ZNF331: variants seen among roughly 807,000 people sequenced by gnomAD.
ZNF331 encodes zinc finger protein 331.
A neutral mutation model predicts 7.0 loss-of-function variants in ZNF331; 2 were observed. The ratio of observed to expected loss-of-function variants is 0.29; its 90% CI spans 0.12 to 0.90. The LOEUF is 0.90. Ranked by LOEUF, ZNF331 falls within the 40% of genes least tolerant of loss-of-function variation. The probability of loss-of-function intolerance (pLI) is 0.58; values close to 1 mark genes in which losing one functional copy is unlikely to be tolerated. For missense variants in ZNF331, 432 were observed against 587.7 expected (o/e 0.74, Z 2.74); for synonymous variants, 196 against 205.4 (o/e 0.95, Z 0.39).
At position 53,558,342 on chromosome 19, in the gene ZNF331, G is replaced by A. The variant is rs1042998599; in HGVS notation, c.-74+2434G>A. ...CCCAAGCACAGGAGCTTCTGTTCCCGTGGAATTGGGGTGCGCCACCTTTTC... is the reference window on the plus strand; with the variant it reads ...CCCAAGCACAGGAGCTTCTGTTCCCATGGAATTGGGGTGCGCCACCTTTTC... On this transcript the variant is annotated intron_variant, in intron 3 of 5. Coordinates refer to ENST00000449416, the MANE Select transcript of ZNF331 (RefSeq NM_001079906.2). This position sits in a 1 kb window ranked among gnomAD's most constrained non-coding sequence, Gnocchi z 4.5. 6.6e-6 allele frequency among the ~76,000 whole-genome samples: 1 copy of A among 152,102 alleles called. No homozygotes were observed. Among genetic ancestry groups the A allele is most frequent in the Non-Finnish European group, 1.5e-5 (1 of 68,012 alleles).
At chr19:53,514,905 C>T (rs1376675615), upstream of ZNF331, among the ~76,000 whole-genome samples, 3 of 152,138 alleles carry the variant, frequency 2.0e-5, no homozygotes, top group Admixed American at 2.0e-4. Flanking sequence ...CCGCTTCGGC[C>T]TCCCAAAGTG....
upstream of ZNF331, among the ~76,000 whole-genome samples, chr19:53,520,151 G>A (rs1358110993): frequency 3.3e-5 from 5 of 151,798 alleles, no homozygotes; most frequent in South Asian, 4.2e-4. Flanking sequence ...GGGTTCAAGC[G>A]ATTCTCTTCC....
chr19:53,538,133 CGAGT>C (rs1421320502), upstream of ZNF331: 14 of 152,312 alleles, frequency 9.2e-5, no homozygotes, highest in African/African-American at 3.1e-4. Context: ...GTGGCGGGAC[CGAGT>C]GTGTGACGCA....
intron 2 of ZNF331, among the ~76,000 whole-genome samples, chr19:53,525,430 G>A (rs1339886518): frequency 6.6e-6 from 1 of 151,964 alleles, no homozygotes; most frequent in Non-Finnish European, 1.5e-5. Context: ...CTTTTATTTT[G>A]TTGAGCAGTG....
In ZNF331 at chr19:53,579,724, C is replaced by T. The variant is rs2090857764; in HGVS notation, c.*1772C>T. 5.1e-6 allele frequency: 1 copy of T among 197,398 alleles called. No individual in the cohort carries two copies. Among genetic ancestry groups the T allele is most frequent in the African/African-American group, 2.3e-5 (1 of 43,336 alleles). The allele number at this position is 197,398 out of a possible 1,614,324, so 12.2% of individuals were successfully genotyped here. ...TGGGTTACGCAATGATTTCTTAGTA[C>T]ACAAAACACAGCAAACATAAAAAGT... On this transcript the variant is annotated 3_prime_UTR_variant, in exon 6 of 6. Transcript: ENST00000449416.
chr19:53,563,176 C>A (rs886234506), intron 3 of ZNF331, among the ~76,000 whole-genome samples: 4 of 150,212 alleles, frequency 2.7e-5, no homozygotes, highest in African/African-American at 9.8e-5. Flanking sequence ...CAATCTCCGC[C>A]TCCCGGGTTC....
chr19:53,546,204 T>C (rs1264020682), intron 2 of ZNF331, among the ~76,000 whole-genome samples: 1 of 150,532 alleles, frequency 6.6e-6, no homozygotes, highest in Non-Finnish European at 1.5e-5. Context: ...GTTTTTGCCA[T>C]TATGTCTAAT....
At chr19:53,538,961 T>C (rs2087934669) in intron 1 of ZNF331, 1 of 152,262 alleles carries the variant, frequency 6.6e-6, no homozygotes, top group African/African-American at 2.4e-5. Flanking sequence ...AGGTGACGCT[T>C]TCAGAGCCAG....
rs565715993 is a variant in ZNF331, at chr19:53,579,234, C to T, written c.*1282C>T. The T allele has an allele frequency of 2.5e-4, 53 of 211,798 alleles. No individual in the cohort carries two copies. Among genetic ancestry groups the T allele is most frequent in the South Asian group, 1.9e-3 (10 of 5,342 alleles). The allele number at this position is 211,798 out of a possible 1,614,324, so 13.1% of individuals were successfully genotyped here. On this transcript the variant is annotated 3_prime_UTR_variant, in exon 6 of 6. Transcript: ENST00000449416. ...ATTGTGTGGGTTAGTTTAATGAATA[C>T]ATAAAGACTACCAGTACCATTCTGT... is the stretch of plus-strand genomic sequence containing the variant.
chr19:53,537,900 CTG>C (rs1234305275), upstream of ZNF331: 2 of 152,362 alleles, frequency 1.3e-5, no homozygotes, highest in African/African-American at 4.8e-5. Flanking sequence ...GTGTCGGCAT[CTG>C]TGCGTGCGCA....
At chr19:53,561,902 C>G (rs1302114550) in intron 3 of ZNF331, among the ~76,000 whole-genome samples, 1 of 152,156 alleles carries the variant, frequency 6.6e-6, no homozygotes, top group Non-Finnish European at 1.5e-5. Flanking sequence ...CATCCCAGCT[C>G]TTTGGGAGGC....
At chr19:53,503,667 G>C in the ZNF331 span, 1 of 706,954 alleles carries the variant, frequency 1.4e-6, no homozygotes, top group Admixed American at 2.0e-5. Context: ...GTTGTCAGGG[G>C]AGTGTCCATT....
chr19:53,526,848 G>A (rs913397686), intron 2 of ZNF331, among the ~76,000 whole-genome samples: 2 of 151,560 alleles, frequency 1.3e-5, no homozygotes, highest in African/African-American at 4.8e-5. Context: ...CACCGCGCCT[G>A]GCCCGGGAAC....
At chr19:53,562,712 G>A (rs966713468) in intron 3 of ZNF331, among the ~76,000 whole-genome samples, 6 of 150,850 alleles carry the variant, frequency 4.0e-5, no homozygotes, top group South Asian at 2.1e-4. Context: ...AAAAAACTCC[G>A]GGCACTGTGG....
At chr19:53,575,586 G>T (rs1277507095) in intron 5 of ZNF331, among the ~76,000 whole-genome samples, 1 of 131,678 alleles carries the variant, frequency 7.6e-6, no homozygotes, top group Non-Finnish European at 1.5e-5. Context: ...CGATTCTCCT[G>T]CCTCAGCCTC....
At position 53,550,843 on chromosome 19, in the gene ZNF331, CT is replaced by C. The variant is rs752603959; in HGVS notation, c.-137-4987del. 9.8e-3 allele frequency among the ~76,000 whole-genome samples: 1,266 copies of C among 129,518 alleles called. 12 individuals carry two copies. Among genetic ancestry groups the C allele is most frequent in the African/African-American group, 0.032 (1,103 of 34,998 alleles). 85.0% of individuals were successfully genotyped at this position (129,518 alleles called of 152,430 possible). A position where few individuals can be genotyped will look rare whatever the true frequency, so the allele number is the denominator to read the frequency against. On this transcript the variant is annotated intron_variant, in intron 2 of 5. Coordinates refer to ENST00000449416, the MANE Select transcript of ZNF331 (RefSeq NM_001079906.2). ...TGAGCCACCATGCCTGGCCGTTAATCTTTTTTTTTTTTTTTCTTTTTTTTTG... is the reference window on the plus strand; with the variant it reads ...TGAGCCACCATGCCTGGCCGTTAATCTTTTTTTTTTTTTTCTTTTTTTTTG...
chr19:53,506,255 A>C, the ZNF331 span, among the ~76,000 whole-genome samples: 1 of 126,452 alleles, frequency 7.9e-6, no homozygotes, highest in African/African-American at 3.2e-5. Context: ...GAATGGCGTG[A>C]ACCCGGGAGG....
intron 5 of ZNF331, among the ~76,000 whole-genome samples, chr19:53,572,993 C>T (rs981441658): frequency 6.6e-6 from 1 of 151,824 alleles, no homozygotes; most frequent in African/African-American, 2.4e-5. Context: ...CTGAGGTGGG[C>T]GGATCACTGG....
At chr19:53,565,284 G>A (rs2090098425) in intron 3 of ZNF331, among the ~76,000 whole-genome samples, 1 of 152,192 alleles carries the variant, frequency 6.6e-6, no homozygotes, top group African/African-American at 2.4e-5. Flanking sequence ...ATGACCAGGT[G>A]ATTCTGAATA....
Sources: gnomAD v4.1 joint callset for allele counts (sites outside exome capture counted in the v4.1 genomes callset) on GRCh38, gnomAD v4.1.1 for gene constraint, Gnocchi (gnomAD v3.1) non-coding constraint, MANE v1.5 for transcripts, NCBI Gene and HGNC (gene_info 2026-07-23, HGNC 2026-07-21) for gene names.